Variants in GRID2 observed in about 807,000 individuals in gnomAD.
GRID2 encodes glutamate receptor ionotropic, delta-2.
In GRID2, 33 loss-of-function variants were observed where a neutral mutation model predicts 114.8. That is an observed-to-expected ratio of 0.29 (90% CI 0.22 to 0.38). The LOEUF (loss-of-function observed/expected upper bound fraction) is 0.38, where lower values mean the gene tolerates loss of function less well. Among genes scored for constraint, GRID2 ranks in the 10% least tolerant of loss-of-function variants. The probability of loss-of-function intolerance (pLI) is 1.00; values close to 1 mark genes in which losing one functional copy is unlikely to be tolerated. For synonymous variants in GRID2, 505 were observed against 449.9 expected (o/e 1.12, Z -1.55); for missense variants, 1,184 against 1,257.7 (o/e 0.94, Z 0.89).
intron 4 of GRID2, among the ~76,000 whole-genome samples, chr4:93,191,616 A>C (rs954699045): frequency 5.3e-5 from 8 of 152,128 alleles, no homozygotes; most frequent in African/African-American, 1.7e-4. Context: ...GTTTTAAAAA[A>C]AATCTTACCT....
At chr4:93,078,157 A>G (rs1729502095) in intron 2 of GRID2, among the ~76,000 whole-genome samples, 1 of 152,046 alleles carries the variant, frequency 6.6e-6, no homozygotes, top group Non-Finnish European at 1.5e-5. Flanking sequence ...GTGTCACAGG[A>G]TCTTTGCACA....
At chr4:93,526,379 G>A (rs1029926622) in intron 13 of GRID2, among the ~76,000 whole-genome samples, 1 of 152,108 alleles carries the variant, frequency 6.6e-6, no homozygotes, top group Non-Finnish European at 1.5e-5. Flanking sequence ...CAATTACCCA[G>A]TCTCAGGCAT....
intron 7 of GRID2, among the ~76,000 whole-genome samples, chr4:93,233,938 C>T (rs934671112): frequency 3.3e-5 from 5 of 152,082 alleles, no homozygotes; most frequent in South Asian, 2.1e-4. Flanking sequence ...ACAAAATGAA[C>T]TCTAATAAGT....
chr4:92,428,731 C>T (rs894555605), intron 1 of GRID2, among the ~76,000 whole-genome samples: 5 of 152,108 alleles, frequency 3.3e-5, no homozygotes, highest in African/African-American at 1.2e-4. Flanking sequence ...ACCTACATTT[C>T]CTATCTTTTA....
At chr4:92,433,149 CT>C (rs1337794106) in intron 1 of GRID2, among the ~76,000 whole-genome samples, 2 of 152,188 alleles carry the variant, frequency 1.3e-5, no homozygotes, top group East Asian at 1.9e-4. Context: ...TTACTCTCCC[CT>C]ATCCTCTCTT....
intron 2 of GRID2, among the ~76,000 whole-genome samples, chr4:92,714,113 G>A (rs1396288245): frequency 6.6e-6 from 1 of 152,196 alleles, no homozygotes; most frequent in Non-Finnish European, 1.5e-5. Flanking sequence ...TAGATACAAT[G>A]GAGGTACAGG....
At chr4:93,778,871 A>C (rs1192288632), downstream of GRID2, among the ~76,000 whole-genome samples, 4 of 152,194 alleles carry the variant, frequency 2.6e-5, no homozygotes, top group African/African-American at 9.7e-5. Flanking sequence ...AATGAGTACA[A>C]TTCTTTCCAA....
chr4:92,551,580 C>T (rs1579567611), intron 1 of GRID2, among the ~76,000 whole-genome samples: 1 of 152,200 alleles, frequency 6.6e-6, no homozygotes, highest in East Asian at 1.9e-4. Flanking sequence ...TTCATTTATG[C>T]ATCTATTCAT....
chr4:93,274,066 T>A (rs1751793441), intron 8 of GRID2, among the ~76,000 whole-genome samples: 1 of 152,100 alleles, frequency 6.6e-6, no homozygotes, highest in Non-Finnish European at 1.5e-5. Flanking sequence ...TTTTTGTTTT[T>A]AAACTTCATA....
chr4:93,160,940 G>A (rs986066351), intron 4 of GRID2, among the ~76,000 whole-genome samples: 1 of 151,676 alleles, frequency 6.6e-6, no homozygotes, highest in East Asian at 1.9e-4. Flanking sequence ...TATTAACACT[G>A]AATGATGGCC....
At chr4:93,443,226 A>G (rs1025774591) in intron 10 of GRID2, among the ~76,000 whole-genome samples, 1 of 151,678 alleles carries the variant, frequency 6.6e-6, no homozygotes, top group Admixed American at 6.6e-5. Context: ...TCTCCCTATA[A>G]CCCTCCAATA....
intron 1 of GRID2, among the ~76,000 whole-genome samples, chr4:92,421,618 A>G (rs1731913534): frequency 6.6e-6 from 1 of 152,148 alleles, no homozygotes; most frequent in Non-Finnish European, 1.5e-5. Context: ...CAGGACTAAT[A>G]GATGAGAATA....
At chr4:93,487,488 C>A (rs1726532179) in intron 11 of GRID2, among the ~76,000 whole-genome samples, 2 of 151,780 alleles carry the variant, frequency 1.3e-5, no homozygotes, top group African/African-American at 4.8e-5. Context: ...TTATTATCAT[C>A]CTATTCAAAG....
rs1725279271 is a variant in GRID2 at position 92,304,590 on chromosome 4, T to C, written c.-67T>C. On this transcript the variant is annotated 5_prime_UTR_variant, in exon 1 of 16. Coordinates refer to ENST00000282020, the MANE Select transcript of GRID2 (RefSeq NM_001510.4). ...AAACTCCACCGTGACCTCAAACTCTTTGGACTGTTTGAAAAAAAAAAAATT... is the reference window on the plus strand; with the variant it reads ...AAACTCCACCGTGACCTCAAACTCTCTGGACTGTTTGAAAAAAAAAAAATT... 5 of 1,049,122 alleles carry C rather than the reference T, an allele frequency of 4.8e-6. No homozygotes were observed. Among genetic ancestry groups the C allele is most frequent in the Non-Finnish European group, 7.5e-6 (5 of 665,866 alleles). 65.0% of individuals were successfully genotyped at this position (1,049,122 alleles called of 1,614,324 possible).
chr4:93,250,593 T>C (rs1337886432), intron 8 of GRID2, among the ~76,000 whole-genome samples: 1 of 149,434 alleles, frequency 6.7e-6, no homozygotes, highest in Non-Finnish European at 1.5e-5. Flanking sequence ...AAGTAACACA[T>C]ATTGTTGCCA....
chr4:93,535,555 C>A (rs1479326842), intron 13 of GRID2, among the ~76,000 whole-genome samples: 1 of 151,990 alleles, frequency 6.6e-6, no homozygotes, highest in Non-Finnish European at 1.5e-5. Flanking sequence ...TACTCACCAA[C>A]ACTTACTATC....
chr4:93,112,430 G>T (rs914425756), intron 4 of GRID2, among the ~76,000 whole-genome samples: 2 of 152,040 alleles, frequency 1.3e-5, no homozygotes, highest in African/African-American at 4.8e-5. Context: ...TCTCATGATA[G>T]TGAGGGAGTT....
At chr4:92,869,997 C>T (rs187768083) in intron 2 of GRID2, among the ~76,000 whole-genome samples, 272 of 151,812 alleles carry the variant, frequency 1.8e-3, no homozygotes, top group African/African-American at 5.1e-3. Context: ...TCAAGACCAG[C>T]CTGAGCAACC....
intron 2 of GRID2, among the ~76,000 whole-genome samples, chr4:92,721,920 TAGAGTCA>T (rs1735827411): frequency 6.6e-6 from 1 of 152,156 alleles, no homozygotes; most frequent in African/African-American, 2.4e-5. Flanking sequence ...ACCAGCAGGA[TAGAGTCA>T]AGAATTTGAA....
Sources: gnomAD v4.1 joint callset for allele counts (sites outside exome capture counted in the v4.1 genomes callset) on GRCh38, gnomAD v4.1.1 for gene constraint, MANE v1.5 for transcripts, NCBI Gene and HGNC (gene_info 2026-07-23, HGNC 2026-07-21) for gene names.